The following ATP8B4 variants were observed in gnomAD, a reference collection of about 807,000 sequenced individuals.
ATP8B4 encodes probable phospholipid-transporting ATPase IM.
A neutral mutation model predicts 145.6 loss-of-function variants in ATP8B4; 133 were observed. The observed-to-expected ratio is 0.91, with a 90% CI of 0.79 to 1.05. The LOEUF is 1.05. Among genes scored for constraint, ATP8B4 ranks in the 50% least tolerant of loss-of-function variants. The probability of loss-of-function intolerance (pLI) is 0.00; values close to 1 mark genes in which losing one functional copy is unlikely to be tolerated. For missense variants in ATP8B4, 1,458 were observed against 1,425.2 expected (o/e 1.02, Z -0.37); for synonymous variants, 507 against 492.9 (o/e 1.03, Z -0.38).
At position 49,897,291 on chromosome 15, in the gene ATP8B4, C is replaced by T. The variant is rs150777155; in HGVS notation, c.2697+1G>A. ...ACAAAAAAAAACATGCTTTTACCAACCTGGGCTGAGAAACCACAGAAGAAA... is the reference window on the plus strand; with the variant it reads ...ACAAAAAAAAACATGCTTTTACCAATCTGGGCTGAGAAACCACAGAAGAAA... On this transcript the variant is annotated splice_donor_variant, in intron 23 of 27. Transcript: ENST00000284509. LOFTEE classifies it high-confidence loss of function. The T allele has an allele frequency of 1.2e-6, 2 of 1,601,898 alleles. No homozygotes were observed. Among genetic ancestry groups the T allele is most frequent in the African/African-American group, 1.3e-5 (1 of 74,082 alleles).
rs562696775 is a variant in ATP8B4 at position 49,972,139 on chromosome 15, G to A, written c.1243+443C>T. On this transcript the variant is annotated intron_variant, in intron 13 of 27. Coordinates refer to ENST00000284509, the MANE Select transcript of ATP8B4 (RefSeq NM_024837.4). ...GAGTGTTGGGACGTGGGAGGCTAGG[G>A]GAGGGATGGCATTAGGAGAAATACC... Among the ~76,000 whole-genome samples the A allele has an allele frequency of 1.6e-4, 24 of 152,252 alleles. No individual in the cohort carries two copies. In the South Asian group the frequency reaches 5.0e-3, roughly 32 times the overall value.
intron 20 of ATP8B4, among the ~76,000 whole-genome samples, chr15:49,907,628 C>G (rs574811433): frequency 6.6e-6 from 1 of 152,220 alleles, no homozygotes; most frequent in African/African-American, 2.4e-5. Flanking sequence ...AAGTTCTTAT[C>G]TAATCCCCCA....
At chr15:50,046,477 T>A (rs144281288) in intron 4 of ATP8B4, among the ~76,000 whole-genome samples, 2,494 of 152,342 alleles carry the variant, frequency 0.016, 29 homozygotes, top group South Asian at 0.066. Flanking sequence ...AATCCAGTAA[T>A]ACCTGAAATG....
chr15:50,073,305 G>A (rs951211777), intron 3 of ATP8B4, among the ~76,000 whole-genome samples: 5 of 151,708 alleles, frequency 3.3e-5, no homozygotes, highest in African/African-American at 9.7e-5. Flanking sequence ...CTCATTGTTC[G>A]ACTCCCACTT....
At chr15:50,088,012 T>C (rs986063493) in intron 2 of ATP8B4, among the ~76,000 whole-genome samples, 1 of 152,222 alleles carries the variant, frequency 6.6e-6, no homozygotes, top group African/African-American at 2.4e-5. Flanking sequence ...TTATAATTTA[T>C]AGAGATTTTC....
At position 50,074,150 on chromosome 15, in the gene ATP8B4, A is replaced by G. The variant is rs1255828071; in HGVS notation, c.64T>C (p.Tyr22His). The G allele has an allele frequency of 1.9e-6, 3 of 1,613,196 alleles. No homozygotes were observed. The highest frequency in any genetic ancestry group is 2.2e-5 in the South Asian group (2 of 91,018). Reference protein sequence around the residue: ...ERIVKANDREYNEKFQYADNR... With the variant: ...ERIVKANDREHNEKFQYADNR... The stretch of plus-strand genomic sequence containing the variant: ...ACCGCATACTGGAACTTTTCATTAT[A>G]TTCACGGTCATTGGCTTTCACTATC... Residue 22 changes from tyrosine to histidine, a missense_variant, in exon 3 of 28, where the codon TAT becomes CAT. By Grantham distance (83) the Tyr-to-His change is moderately conservative. Transcript: ENST00000284509.
intron 1 of ATP8B4, among the ~76,000 whole-genome samples, chr15:50,108,441 A>G (rs2056789509): frequency 6.6e-6 from 1 of 152,160 alleles, no homozygotes; most frequent in African/African-American, 2.4e-5. Flanking sequence ...CATGACTCCT[A>G]GGACCTTCTG....
chr15:49,866,725 G>A (rs1449860210), intron 25 of ATP8B4, among the ~76,000 whole-genome samples: 11 of 152,206 alleles, frequency 7.2e-5, no homozygotes, highest in Non-Finnish European at 1.3e-4. Flanking sequence ...CCAAGGTCGA[G>A]TCAGAATCAG....
chr15:49,953,002 C>T (rs1444382791), intron 14 of ATP8B4, among the ~76,000 whole-genome samples: 2 of 152,042 alleles, frequency 1.3e-5, no homozygotes, highest in African/African-American at 4.8e-5. Flanking sequence ...GGGTTCACTT[C>T]AGGCCTTATT....
chr15:50,079,384 C>A (rs1168174266), intron 2 of ATP8B4, among the ~76,000 whole-genome samples: 6 of 152,288 alleles, frequency 3.9e-5, no homozygotes, highest in African/African-American at 1.4e-4. Flanking sequence ...GACCCACACA[C>A]CTGATCCAGG....
At position 49,907,676 on chromosome 15, in the gene ATP8B4, T is replaced by C. The variant is rs2038770655; in HGVS notation, c.2142-6437A>G. Among the ~76,000 whole-genome samples, 2 of 152,180 alleles carry C rather than the reference T, an allele frequency of 1.3e-5. 1 individual carries two copies. The highest frequency in any genetic ancestry group is 2.9e-5 in the Non-Finnish European group (2 of 68,024). On this transcript the variant is annotated intron_variant, in intron 20 of 27. Coordinates refer to ENST00000284509, the MANE Select transcript of ATP8B4 (RefSeq NM_024837.4). ...TATAGAGTAGATATTTGTATCCCCATTTTACAAATAAGGAAACCAAGCAAA... is the reference window on the plus strand; with the variant it reads ...TATAGAGTAGATATTTGTATCCCCACTTTACAAATAAGGAAACCAAGCAAA...
At chr15:50,088,947 T>C (rs557405847) in intron 2 of ATP8B4, among the ~76,000 whole-genome samples, 1 of 152,322 alleles carries the variant, frequency 6.6e-6, no homozygotes, top group South Asian at 2.1e-4. Flanking sequence ...GAGTTCTCTA[T>C]TCTGTTCCAT....
chr15:49,934,032 C>T lies in ATP8B4; in HGVS notation c.1438G>A (p.Glu480Lys). Residue 480 changes from glutamate (E) to lysine (K), a missense_variant, in exon 15 of 28, where the codon GAA (glutamate) becomes AAA (lysine). Physicochemically the swap from Glu to Lys is moderately conservative, Grantham distance 56. Transcript: ENST00000284509. ...LLALCHTVMS[E>K]ENSAGELIYQ... is the part of the protein sequence containing the mutation. ...TTTCACTTACCTGCGCTATTCTCTTCTGACATTACAGTGTGGCAGAGAGCA... is the reference window on the plus strand; with the variant it reads ...TTTCACTTACCTGCGCTATTCTCTTTTGACATTACAGTGTGGCAGAGAGCA... 1 of 1,607,878 alleles carries T rather than the reference C, an allele frequency of 6.2e-7. No homozygotes were observed. Among genetic ancestry groups the T allele is most frequent in the Non-Finnish European group, 8.5e-7 (1 of 1,177,508 alleles).
At chr15:50,131,328 C>T (rs1480316009) in intron 1 of ATP8B4, among the ~76,000 whole-genome samples, 3 of 152,146 alleles carry the variant, frequency 2.0e-5, no homozygotes, top group African/African-American at 7.2e-5. Flanking sequence ...TAATTCATTT[C>T]ATATTACAAT....
At chr15:49,880,860 C>T (rs529296569) in intron 23 of ATP8B4, among the ~76,000 whole-genome samples, 33 of 150,966 alleles carry the variant, frequency 2.2e-4, no homozygotes, top group African/African-American at 7.5e-4. Context: ...CACCTGTAAT[C>T]CCAGCACTTT....
chr15:49,990,336 C>A (rs538160330), intron 9 of ATP8B4, among the ~76,000 whole-genome samples: 1 of 152,088 alleles, frequency 6.6e-6, no homozygotes. Context: ...AGGAAAAAAT[C>A]GCATCATTTC....
At chr15:50,066,789 TAC>T in intron 3 of ATP8B4, among the ~76,000 whole-genome samples, 1 of 152,302 alleles carries the variant, frequency 6.6e-6, no homozygotes, top group African/African-American at 2.4e-5. Context: ...TTCTTTTTTT[TAC>T]AGTTTGTGGG....
intron 12 of ATP8B4, among the ~76,000 whole-genome samples, chr15:49,978,761 C>G (rs2045894847): frequency 6.7e-6 from 1 of 148,298 alleles, no homozygotes; most frequent in Non-Finnish European, 1.5e-5. Context: ...CACACACACA[C>G]ACACACACAC....
At chr15:50,098,490 C>T (rs1249918378) in intron 2 of ATP8B4, among the ~76,000 whole-genome samples, 1 of 151,296 alleles carries the variant, frequency 6.6e-6, no homozygotes, top group Non-Finnish European at 1.5e-5. Context: ...TGCTATGTGG[C>T]CCAGGCTGGT....
Sources: gnomAD v4.1 joint callset for allele counts (sites outside exome capture counted in the v4.1 genomes callset) on GRCh38, gnomAD v4.1.1 for gene constraint, MANE v1.5 for transcripts, NCBI Gene and HGNC (gene_info 2026-07-23, HGNC 2026-07-21) for gene names.